FLVCR1: variants seen among roughly 807,000 people sequenced by gnomAD.
The protein encoded by FLVCR1 is choline/ethanolamine transporter FLVCR1.
Under a neutral mutation model 53.6 loss-of-function variants are expected in FLVCR1, and 34 were observed. The ratio of observed to expected loss-of-function variants is 0.63; its 90% CI spans 0.48 to 0.84. The LOEUF (loss-of-function observed/expected upper bound fraction) is 0.84, where lower values mean the gene tolerates loss of function less well. Ranked by LOEUF, FLVCR1 falls within the 40% of genes least tolerant of loss-of-function variation. FLVCR1 has a pLI of 0.00. For synonymous variants in FLVCR1, 300 were observed against 286.3 expected, an observed-to-expected ratio of 1.05 and a Z score of -0.48; for missense variants, 677 against 696.7, an observed-to-expected ratio of 0.97 and a Z score of 0.32.
rs774614268 is a variant in FLVCR1 at position 212,896,855 on chromosome 1, T to TAAAAAAAAAAAAAAAAA, written c.*1582_*1598dup. ...CAACATGGTAAAACCCCATCTCTAC[T>TAAAAAAAAAAAAAAAAA]AAAAAAAAAAAAAAAAAAAAAAAAA... On this transcript the variant is annotated 3_prime_UTR_variant, in exon 10 of 10. Transcript: ENST00000366971. 4 of 17,112 alleles carry TAAAAAAAAAAAAAAAAA rather than the reference T, an allele frequency of 2.3e-4. No individual in the cohort carries two copies. Among genetic ancestry groups the TAAAAAAAAAAAAAAAAA allele is most frequent in the Non-Finnish European group, 2.3e-4 (2 of 8,608 alleles). The allele number at this position is 17,112 out of a possible 1,614,324, so 1.1% of individuals were successfully genotyped here. A position where few individuals can be genotyped will look rare whatever the true frequency, so the allele number is the denominator to read the frequency against.
intron 3 of FLVCR1, among the ~76,000 whole-genome samples, chr1:212,879,145 T>C (rs1664852139): frequency 1.3e-5 from 2 of 152,168 alleles, no homozygotes; most frequent in South Asian, 4.1e-4. Context: ...CAGTTGTAGA[T>C]TTGGATTGAT....
At chr1:212,864,934 A>G (rs1039333036) in intron 2 of FLVCR1, among the ~76,000 whole-genome samples, 4 of 152,158 alleles carry the variant, frequency 2.6e-5, no homozygotes, top group Non-Finnish European at 5.9e-5. Flanking sequence ...CCTTAATATA[A>G]TGAGCAGAAT....
In FLVCR1 at chr1:212,898,676, G is replaced by T. The variant is rs1003973142; in HGVS notation, c.*3386G>T. On this transcript the variant is annotated 3_prime_UTR_variant, in exon 10 of 10. Transcript: ENST00000366971. ...CAAGCAAGAATGTTATAATTCTACAGTAATGTGTGACTTCATGACAGAGCT... is the reference window on the plus strand; with the variant it reads ...CAAGCAAGAATGTTATAATTCTACATTAATGTGTGACTTCATGACAGAGCT... The T allele has an allele frequency of 6.6e-6, 1 of 152,206 alleles. No individual in the cohort carries two copies. Among genetic ancestry groups the T allele is most frequent in the Non-Finnish European group, 1.5e-5 (1 of 68,036 alleles). The allele number at this position is 152,206 out of a possible 1,614,324, so 9.4% of individuals were successfully genotyped here.
intron 3 of FLVCR1, 145 bp downstream of exon 3, chr1:212,872,963 A>G: frequency 1.3e-6 from 1 of 794,370 alleles, no homozygotes; most frequent in Admixed American, 2.7e-5. Context: ...CTAAAAGCAG[A>G]AAATCCAGGA....
Position 212,872,584 on chromosome 1 carries a change from A to C in FLVCR1, c.884-94A>C, listed in dbSNP as rs1262384572. 5 of 867,228 alleles carry C rather than the reference A, an allele frequency of 5.8e-6. No homozygotes were observed. The African/African-American group carries it at 6.8e-5, about 12-fold the overall frequency. The allele number at this position is 867,228 out of a possible 1,614,324, so 53.7% of individuals were successfully genotyped here. ...AACTTAAACTGTATTCTGTCTGCTC[A>C]CTAAGAATGATACATATAATTACAT... On this transcript the variant is annotated intron_variant, in intron 2 of 9. Coordinates refer to ENST00000366971, the MANE Select transcript of FLVCR1 (RefSeq NM_014053.4).
At chr1:212,885,505 A>G in intron 5 of FLVCR1, 109 bp downstream of exon 5, 1 of 782,062 alleles carries the variant, frequency 1.3e-6, no homozygotes, top group South Asian at 1.4e-5. Context: ...ACTTAAAGAT[A>G]CGGATTCTAA....
intron 8 of FLVCR1, among the ~76,000 whole-genome samples, chr1:212,891,754 T>TA (rs1665199996): frequency 1.3e-5 from 2 of 152,130 alleles, no homozygotes; most frequent in Admixed American, 6.5e-5. Context: ...AATCAGAAGC[T>TA]AAAAATGATT....
chr1:212,867,302 A>C (rs959556841), intron 2 of FLVCR1, among the ~76,000 whole-genome samples: 2 of 152,262 alleles, frequency 1.3e-5, no homozygotes, highest in Non-Finnish European at 2.9e-5. Context: ...TATTAGGAGA[A>C]CTCTATTATA....
At chr1:212,867,126 CAT>C (rs765582164) in intron 2 of FLVCR1, among the ~76,000 whole-genome samples, 3 of 152,246 alleles carry the variant, frequency 2.0e-5, no homozygotes, top group Non-Finnish European at 4.4e-5. Context: ...CGCAACGTGA[CAT>C]GTACTAAATT....
intron 8 of FLVCR1, 103 bp downstream of exon 8, chr1:212,889,360 G>A (rs1665133555): frequency 1.3e-6 from 1 of 759,406 alleles, no homozygotes; most frequent in Non-Finnish European, 2.4e-6. Flanking sequence ...AAAAAAATGA[G>A]ATAAAAAGCA....
intron 3 of FLVCR1, among the ~76,000 whole-genome samples, chr1:212,874,526 C>CTTTTTTTTTT (rs61497441): frequency 9.1e-5 from 11 of 120,876 alleles, no homozygotes; most frequent in African/African-American, 2.5e-4. Context: ...TTCTTTTTTT[C>CTTTTTTTTTT]TTTTTTTTTT....
At chr1:212,869,424 G>A (rs1664535519) in intron 2 of FLVCR1, among the ~76,000 whole-genome samples, 1 of 152,210 alleles carries the variant, frequency 6.6e-6, no homozygotes, top group Admixed American at 6.5e-5. Context: ...CCTACAACAT[G>A]TAGCTGGTAA....
chr1:212,892,129 G>A (rs1175077779), intron 8 of FLVCR1, among the ~76,000 whole-genome samples: 2 of 152,266 alleles, frequency 1.3e-5, no homozygotes, highest in Admixed American at 6.5e-5. Flanking sequence ...AAAGTGCAAG[G>A]TGAAGCAGCA....
In FLVCR1 at chr1:212,887,689, A is replaced by C. The variant is rs577462835; in HGVS notation, c.1197-202A>C. Among the ~76,000 whole-genome samples, 6 of 152,082 alleles carry C rather than the reference A, an allele frequency of 3.9e-5. No individual in the cohort carries two copies. In the East Asian group the frequency reaches 1.2e-3, roughly 29 times the overall value. On this transcript the variant is annotated intron_variant, in intron 5 of 9. Transcript: ENST00000366971. ...TAAAAGGATCCTATCTGAGCATTCGATATGGTGTGGTTTTCTGGTGCTGCT... is the reference window on the plus strand; with the variant it reads ...TAAAAGGATCCTATCTGAGCATTCGCTATGGTGTGGTTTTCTGGTGCTGCT...
Position 212,872,741 on chromosome 1 carries a change from C to T in FLVCR1, c.947C>T (p.Pro316Leu), listed in dbSNP as rs1367173028. Residue 316 changes from proline to leucine, a missense_variant, in exon 3 of 10, where the codon CCT becomes CTT. Transcript: ENST00000366971. ...QAQAALQDSP[P>L]EEYSYKKSIR... Reference sequence around the variant, plus strand: ...CAAGCAGCTCTTCAAGACAGTCCCCCTGAAGAGTACTCCTATAAGAAATCA... The same window carrying T: ...CAAGCAGCTCTTCAAGACAGTCCCCTTGAAGAGTACTCCTATAAGAAATCA... The T allele has an allele frequency of 6.2e-7, 1 of 1,613,336 alleles. No homozygotes were observed. The highest frequency in any genetic ancestry group is 8.5e-7 in the Non-Finnish European group (1 of 1,179,284).
chr1:212,890,289 A>G (rs999949196), intron 8 of FLVCR1, among the ~76,000 whole-genome samples: 1 of 152,202 alleles, frequency 6.6e-6, no homozygotes, highest in African/African-American at 2.4e-5. Context: ...TTTACATTGT[A>G]TTAGGTATTA....
At chr1:212,893,205 G>A (rs1374562737) in intron 8 of FLVCR1, among the ~76,000 whole-genome samples, 7 of 151,910 alleles carry the variant, frequency 4.6e-5, no homozygotes, top group Non-Finnish European at 8.8e-5. Context: ...ACAGGTGCCC[G>A]CCACCACGCC....
Position 212,872,773 on chromosome 1 carries a change from A to G in FLVCR1, c.979A>G (p.Asn327Asp). 1.2e-6 allele frequency: 2 copies of G among 1,613,954 alleles called. No homozygotes were observed. Among genetic ancestry groups the G allele is most frequent in the Admixed American group, 3.3e-5 (2 of 60,014 alleles). Residue 327 changes from asparagine (N) to aspartate (D), a missense_variant, in exon 3 of 10, where the codon AAC becomes GAC. Transcript: ENST00000366971. The stretch of plus-strand genomic sequence containing the variant: ...GTACTCCTATAAGAAATCAATAAGA[A>G]ACCTGTTTAAAAACATTCCTTTTGT... ...EEYSYKKSIR[N>D]LFKNIPFVLL...
chr1:212,873,199 G>A (rs966812491), intron 3 of FLVCR1, among the ~76,000 whole-genome samples: 4 of 151,898 alleles, frequency 2.6e-5, no homozygotes, highest in Admixed American at 6.6e-5. Flanking sequence ...TGTAATCCCG[G>A]CTACTCAGGT....
Sources: gnomAD v4.1 joint callset for allele counts (sites outside exome capture counted in the v4.1 genomes callset) on GRCh38, gnomAD v4.1.1 for gene constraint, MANE v1.5 for transcripts, NCBI Gene and HGNC (gene_info 2026-07-23, HGNC 2026-07-21) for gene names.